Variants in RAB6B observed in about 807,000 individuals in gnomAD.
RAB6B encodes the protein ras-related protein Rab-6B.
RAB6B carries 7 observed loss-of-function variants against 31.2 expected under a neutral mutation model. That is an observed-to-expected ratio of 0.22 (90% confidence interval 0.13 to 0.42). The LOEUF (loss-of-function observed/expected upper bound fraction) is 0.42. RAB6B is among the 10% of genes least tolerant of loss of function. The pLI is 1.00. For synonymous variants in RAB6B, 105 were observed against 104.9 expected (o/e 1.00, Z -0.01); for missense variants, 149 against 280.6 (o/e 0.53, Z 3.35).
At position 133,882,064 on chromosome 3, in the gene RAB6B, G is replaced by C. The variant is rs538964835; in HGVS notation, c.70+13333C>G. On this transcript the variant is annotated intron_variant, in intron 1 of 7. Coordinates refer to ENST00000285208, the MANE Select transcript of RAB6B (RefSeq NM_016577.4). Reference sequence around the variant, plus strand: ...GGGCTACATTTCTTTCTGGATCAGGGAGTCATTTTCCAAGCTTGTGTGCTT... The same window carrying C: ...GGGCTACATTTCTTTCTGGATCAGGCAGTCATTTTCCAAGCTTGTGTGCTT... Among the ~76,000 whole-genome samples the C allele has an allele frequency of 6.6e-5, 10 of 152,296 alleles. No individual in the cohort carries two copies. The South Asian group carries it at 2.1e-3, about 32-fold the overall frequency.
At chr3:133,849,166 T>A (rs1935944777) in intron 2 of RAB6B, among the ~76,000 whole-genome samples, 2 of 152,198 alleles carry the variant, frequency 1.3e-5, no homozygotes, top group African/African-American at 4.8e-5. Context: ...CCTCTACAAA[T>A]CATTTTCTGA....
chr3:133,840,848 G>A (rs1367316691), intron 4 of RAB6B, among the ~76,000 whole-genome samples: 1 of 152,164 alleles, frequency 6.6e-6, no homozygotes, highest in Non-Finnish European at 1.5e-5. Flanking sequence ...CCTTCCCAGG[G>A]AGTCCTGCAC....
intron 1 of RAB6B, among the ~76,000 whole-genome samples, chr3:133,893,059 GC>G (rs200760046): frequency 0.021 from 3,222 of 152,312 alleles, 52 homozygotes; most frequent in Middle Eastern, 0.065. Flanking sequence ...GTGGCCAGCA[GC>G]CCATCTCACT....
At chr3:133,832,796 C>T (rs1315061050) in intron 7 of RAB6B, among the ~76,000 whole-genome samples, 2 of 152,172 alleles carry the variant, frequency 1.3e-5, no homozygotes, top group Admixed American at 1.3e-4. Context: ...GTCACAACAC[C>T]CTGTGCAGTC....
In RAB6B at chr3:133,824,713, G is replaced by A. The variant is rs1018016861; in HGVS notation, c.*4075C>T. ...AGACTTGGGGACTGGCCCTTGTGCA[G>A]TAGAGGAGCCCAAAATACCACCAAT... On this transcript the variant is annotated 3_prime_UTR_variant, in exon 8 of 8. Coordinates refer to ENST00000285208, the MANE Select transcript of RAB6B (RefSeq NM_016577.4). 3 of 152,210 alleles carry A rather than the reference G, an allele frequency of 2.0e-5. No individual in the cohort carries two copies. The highest frequency in any genetic ancestry group is 2.0e-4 in the Admixed American group (3 of 15,284). The allele number at this position is 152,210 out of a possible 1,614,324, so 9.4% of individuals were successfully genotyped here. A position where few individuals can be genotyped will look rare whatever the true frequency, so the allele number is the denominator to read the frequency against.
chr3:133,841,398 A>AG lies in RAB6B; in HGVS notation c.184-9dup. Reference sequence around the variant, plus strand: ...CCAGAGCTGCAGTCGCACCTGTCTCAGGGAGGGCAGGACCATGGGCAGAGG... The same window carrying AG: ...CCAGAGCTGCAGTCGCACCTGTCTCAGGGGAGGGCAGGACCATGGGCAGAGG... On this transcript the variant is annotated splice_polypyrimidine_tract_variant and intron_variant, in intron 3 of 7. Transcript: ENST00000285208. 1 of 1,613,780 alleles carries AG rather than the reference A, an allele frequency of 6.2e-7. No individual in the cohort carries two copies. Among genetic ancestry groups the AG allele is most frequent in the Non-Finnish European group, 8.5e-7 (1 of 1,179,764 alleles).
Position 133,828,116 on chromosome 3 carries a change from G to A in RAB6B, c.*672C>T. 1.6e-6 allele frequency: 1 copy of A among 635,176 alleles called. No homozygotes were observed. The highest frequency in any genetic ancestry group is 2.9e-6 in the Non-Finnish European group (1 of 349,808). 39.3% of individuals were successfully genotyped at this position (635,176 alleles called of 1,614,324 possible). ...GAGAGGTGGGAGCAGTTCCTCTGGG[G>A]GCTGCTGCCGGGCTGCCTAGAGCCC... On this transcript the variant is annotated 3_prime_UTR_variant, in exon 8 of 8. Transcript: ENST00000285208.
chr3:133,860,526 C>A (rs1461209192), intron 2 of RAB6B, among the ~76,000 whole-genome samples: 1 of 152,186 alleles, frequency 6.6e-6, no homozygotes, highest in Non-Finnish European at 1.5e-5. Context: ...AGGCACTCTG[C>A]GGCAATTTGT....
rs536409149 is a variant in RAB6B at position 133,843,436 on chromosome 3, C to G, written c.130-1773G>C. 2.0e-5 allele frequency among the ~76,000 whole-genome samples: 3 copies of G among 152,316 alleles called. No homozygotes were observed. In the East Asian group the frequency reaches 5.8e-4, roughly 29 times the overall value. ...CCTTCACAGGTGTATGTTAGATTGACAATCCTTGTCTTCTGATTCCCTTAT... is the reference window on the plus strand; with the variant it reads ...CCTTCACAGGTGTATGTTAGATTGAGAATCCTTGTCTTCTGATTCCCTTAT... On this transcript the variant is annotated intron_variant, in intron 2 of 7. Transcript: ENST00000285208.
At chr3:133,884,119 C>T (rs556714595) in intron 1 of RAB6B, among the ~76,000 whole-genome samples, 3 of 152,236 alleles carry the variant, frequency 2.0e-5, no homozygotes, top group Non-Finnish European at 4.4e-5. Context: ...ATGCTGTAAT[C>T]ATTGATGCTG....
rs1036538657 is a variant in RAB6B, at chr3:133,878,846, C to A, written c.71-14204G>T. Among the ~76,000 whole-genome samples, 4 of 152,206 alleles carry A rather than the reference C, an allele frequency of 2.6e-5. No individual in the cohort carries two copies. The South Asian group carries it at 8.3e-4, about 32-fold the overall frequency. Reference sequence around the variant, plus strand: ...ACAGAATTCTATACCTAGCAAAAATCTTTCAAAAATGAAGGTGAAATAAAG... The same window carrying A: ...ACAGAATTCTATACCTAGCAAAAATATTTCAAAAATGAAGGTGAAATAAAG... On this transcript the variant is annotated intron_variant, in intron 1 of 7. Transcript: ENST00000285208.
intron 1 of RAB6B, among the ~76,000 whole-genome samples, chr3:133,880,578 G>A (rs1316886791): frequency 6.6e-6 from 1 of 152,230 alleles, no homozygotes; most frequent in Non-Finnish European, 1.5e-5. Flanking sequence ...GGCAGCCATA[G>A]TGCTGACCTG....
intron 2 of RAB6B, among the ~76,000 whole-genome samples, chr3:133,845,252 T>C (rs2107993465): frequency 6.6e-6 from 1 of 152,310 alleles, no homozygotes; most frequent in Non-Finnish European, 1.5e-5. Flanking sequence ...CTCAATGTGA[T>C]AGTATTAAAA....
chr3:133,831,961 C>T (rs1344328073), intron 7 of RAB6B, among the ~76,000 whole-genome samples: 1 of 152,224 alleles, frequency 6.6e-6, no homozygotes, highest in African/African-American at 2.4e-5. Flanking sequence ...AAGCACACCA[C>T]AGCCCCATCA....
chr3:133,885,028 T>G (rs1203962264), intron 1 of RAB6B, among the ~76,000 whole-genome samples: 1 of 120,414 alleles, frequency 8.3e-6, no homozygotes, highest in Non-Finnish European at 1.7e-5. Context: ...AACCAGAGGA[T>G]GGGGGGCTCA....
chr3:133,828,504 A>G lies in RAB6B; in HGVS notation c.*284T>C. ...TTATCTGGCAAAAAATTGTATACAC[A>G]TGATTTAAATTTTTTTTAAATTTTA... On this transcript the variant is annotated 3_prime_UTR_variant, in exon 8 of 8. Transcript: ENST00000285208. 1 of 474,118 alleles carries G rather than the reference A, an allele frequency of 2.1e-6. No individual in the cohort carries two copies. The allele number at this position is 474,118 out of a possible 1,614,324, so 29.4% of individuals were successfully genotyped here. A position where few individuals can be genotyped will look rare whatever the true frequency, so the allele number is the denominator to read the frequency against.
rs530107220 is a variant in RAB6B, at chr3:133,826,137, G to A, written c.*2651C>T. On this transcript the variant is annotated 3_prime_UTR_variant, in exon 8 of 8. Transcript: ENST00000285208. The stretch of plus-strand genomic sequence containing the variant: ...AGGGGCGGAAACCGCACGTGCCGAA[G>A]GGAGCGCCATGGAACCACTGAGATG... The A allele has an allele frequency of 6.6e-6, 1 of 152,378 alleles. No individual in the cohort carries two copies. The highest frequency in any genetic ancestry group is 2.1e-4 in the South Asian group (1 of 4,832). The allele number at this position is 152,378 out of a possible 1,614,324, so 9.4% of individuals were successfully genotyped here.
At position 133,825,888 on chromosome 3, in the gene RAB6B, A is replaced by C. The variant is rs1381127067; in HGVS notation, c.*2900T>G. On this transcript the variant is annotated 3_prime_UTR_variant, in exon 8 of 8. Transcript: ENST00000285208. ...GGAATCCTCCAATTTGCCCTCTGCT[A>C]ACCCATCTGGATTCAGCAAAGATGC... 3 of 152,246 alleles carry C rather than the reference A, an allele frequency of 2.0e-5. No homozygotes were observed. Among genetic ancestry groups the C allele is most frequent in the African/African-American group, 7.2e-5 (3 of 41,464 alleles). 9.4% of individuals were successfully genotyped at this position (152,246 alleles called of 1,614,324 possible).
chr3:133,827,748 C>CACCCCCGCT lies in RAB6B; in HGVS notation c.*1039_*1040insAGCGGGGGT. 1.3e-4 allele frequency: 2 copies of CACCCCCGCT among 15,982 alleles called. No homozygotes were observed. Among genetic ancestry groups the CACCCCCGCT allele is most frequent in the Non-Finnish European group, 3.2e-4 (2 of 6,308 alleles). The allele number at this position is 15,982 out of a possible 1,614,324, so 1.0% of individuals were successfully genotyped here. On this transcript the variant is annotated 3_prime_UTR_variant, in exon 8 of 8. Transcript: ENST00000285208. ...AAGGTGGTGGTTCTGCAGACAACAC[C>CACCCCCGCT]CCCCCCCCCCCCCGCCTCCCCATCA...
Sources: gnomAD v4.1 joint callset for allele counts (sites outside exome capture counted in the v4.1 genomes callset) on GRCh38, gnomAD v4.1.1 for gene constraint, MANE v1.5 for transcripts, NCBI Gene and HGNC (gene_info 2026-07-23, HGNC 2026-07-21) for gene names.